NUMB: variants seen among roughly 807,000 people sequenced by gnomAD.
The protein encoded by NUMB is protein numb homolog.
A neutral mutation model predicts 59.7 loss-of-function variants in NUMB; 29 were observed. The observed-to-expected ratio is 0.49, with a 90% confidence interval of 0.36 to 0.66. NUMB has a LOEUF of 0.66. NUMB is among the 30% of genes least tolerant of loss of function. The pLI is 0.00. For synonymous variants in NUMB, 288 were observed against 288.2 expected, an observed-to-expected ratio of 1.00 and a Z score of 0.01; for missense variants, 723 against 822.0, an observed-to-expected ratio of 0.88 and a Z score of 1.47.
intron 2 of NUMB, among the ~76,000 whole-genome samples, chr14:73,380,589 T>A (rs1309912518): frequency 2.0e-5 from 3 of 152,162 alleles, no homozygotes; most frequent in Non-Finnish European, 4.4e-5. Context: ...TTTCTTATAC[T>A]ATTTGTTATA....
intron 9 of NUMB, 32 bp from the exon 10 acceptor site, chr14:73,284,406 C>A: frequency 6.4e-7 from 1 of 1,564,346 alleles, no homozygotes. Context: ...AAGACCTTAG[C>A]AATGTCTTCA....
At chr14:73,391,225 T>C (rs1895837446) in intron 2 of NUMB, among the ~76,000 whole-genome samples, 2 of 151,854 alleles carry the variant, frequency 1.3e-5, no homozygotes, top group South Asian at 4.1e-4. Flanking sequence ...CATAAACATA[T>C]TTGGTCTCAC....
At chr14:73,391,617 G>T (rs1052227127) in intron 2 of NUMB, among the ~76,000 whole-genome samples, 1 of 152,106 alleles carries the variant, frequency 6.6e-6, no homozygotes, top group African/African-American at 2.4e-5. Flanking sequence ...CACTTAGATG[G>T]CTTAATGTAC....
At chr14:73,442,292 G>A (rs1278267270) in intron 1 of NUMB, among the ~76,000 whole-genome samples, 1 of 151,720 alleles carries the variant, frequency 6.6e-6, no homozygotes, top group Non-Finnish European at 1.5e-5. Context: ...ACCATCTCTT[G>A]ATCCTGGGAG....
intron 2 of NUMB, among the ~76,000 whole-genome samples, chr14:73,390,638 C>CTTTTTTTTTTTTTTTTTTTTTTTTTTTTT: frequency 2.5e-5 from 1 of 39,384 alleles, no homozygotes; most frequent in Non-Finnish European, 4.7e-5. Flanking sequence ...AAAACAAAGT[C>CTTTTTTTTTTTTTTTTTTTTTTTTTTTTT]TTTTTTTTTT....
At chr14:73,430,265 G>A (rs1283805544) in intron 1 of NUMB, among the ~76,000 whole-genome samples, 1 of 151,960 alleles carries the variant, frequency 6.6e-6, no homozygotes, top group Non-Finnish European at 1.5e-5. Flanking sequence ...GGACCATTCT[G>A]GTAAGTGTAC....
chr14:73,308,427 GAA>G (rs993133706), intron 6 of NUMB, among the ~76,000 whole-genome samples: 3 of 152,136 alleles, frequency 2.0e-5, no homozygotes, highest in African/African-American at 7.2e-5. Flanking sequence ...ATATCGAAGA[GAA>G]AAAGTTTAAT....
Position 73,276,892 on chromosome 14 carries a change from C to G in NUMB, c.1642G>C (p.Ala548Pro). ...AGGCTGGGTGACTGATGGGGATGGG[C>G]AGCCTGAGGGTGGCCTGCAGTGCCA... The part of the protein sequence containing the change: ...VFGTAGHPQA[A>P]HPHQSPSLVR... The change falls in exon 13 of 13, where the codon GCC becomes CCC. Residue 548 changes from alanine (A) to proline (P), a missense_variant. Ala to Pro is a conservative substitution (Grantham distance 27, BLOSUM62 -1). Transcript: ENST00000555238. 6.2e-7 allele frequency: 1 copy of G among 1,613,954 alleles called. No individual in the cohort carries two copies. The highest frequency in any genetic ancestry group is 8.5e-7 in the Non-Finnish European group (1 of 1,179,904).
chr14:73,285,917 C>T (rs1389490216), intron 9 of NUMB, among the ~76,000 whole-genome samples: 1 of 147,780 alleles, frequency 6.8e-6, no homozygotes, highest in Non-Finnish European at 1.5e-5. Context: ...CAGAACTACA[C>T]TCTGTCTCAA....
At chr14:73,387,745 AC>A (rs1480645598) in intron 2 of NUMB, among the ~76,000 whole-genome samples, 4,256 of 149,896 alleles carry the variant, frequency 0.028, 212 homozygotes, top group African/African-American at 0.1. Context: ...AAAAAAAAAA[AC>A]AAAAACAAAC....
At chr14:73,288,599 C>T (rs1889175326) in intron 8 of NUMB, among the ~76,000 whole-genome samples, 1 of 148,458 alleles carries the variant, frequency 6.7e-6, no homozygotes, top group Non-Finnish European at 1.5e-5. Context: ...GTGGCTCATG[C>T]CTATAATCCC....
chr14:73,362,266 A>T (rs1333302215), intron 3 of NUMB, among the ~76,000 whole-genome samples: 1 of 152,032 alleles, frequency 6.6e-6, no homozygotes, highest in Non-Finnish European at 1.5e-5. Context: ...CAAAAAAAAA[A>T]TGCTACCAAA....
intron 4 of NUMB, among the ~76,000 whole-genome samples, chr14:73,331,559 T>A (rs992187531): frequency 4.0e-5 from 6 of 151,152 alleles, no homozygotes; most frequent in Non-Finnish European, 7.4e-5. Context: ...AAAAAAAAAA[T>A]TTTTTTTCTT....
At chr14:73,342,516 T>C (rs12586996) in intron 4 of NUMB, among the ~76,000 whole-genome samples, 35,343 of 152,170 alleles carry the variant, frequency 0.23, 5,081 homozygotes, top group East Asian at 0.68. Context: ...TTTTTAATAC[T>C]AGAACAGGTT....
At chr14:73,355,876 G>T in intron 3 of NUMB, 110 bp from the exon 4 acceptor site, 1 of 778,842 alleles carries the variant, frequency 1.3e-6, no homozygotes, top group Non-Finnish European at 2.0e-6. Context: ...AAAGGTTTTG[G>T]GTTTTATTTA....
At chr14:73,436,524 T>C (rs2140178177) in intron 1 of NUMB, among the ~76,000 whole-genome samples, 1 of 152,230 alleles carries the variant, frequency 6.6e-6, no homozygotes. Context: ...TTCACCATGT[T>C]GGCCAGGCTC....
intron 2 of NUMB, among the ~76,000 whole-genome samples, chr14:73,391,837 A>G (rs1397240835): frequency 6.6e-6 from 1 of 152,220 alleles, no homozygotes; most frequent in African/African-American, 2.4e-5. Flanking sequence ...TGAAAAGACT[A>G]CTATTGTCCA....
chr14:73,346,163 A>T (rs1178574566), intron 4 of NUMB, among the ~76,000 whole-genome samples: 1 of 152,084 alleles, frequency 6.6e-6, no homozygotes, highest in Non-Finnish European at 1.5e-5. Flanking sequence ...TTGTTACATT[A>T]AAATCCCTTC....
At chr14:73,438,841 T>C (rs528849889) in intron 1 of NUMB, among the ~76,000 whole-genome samples, 8 of 152,230 alleles carry the variant, frequency 5.3e-5, no homozygotes, top group African/African-American at 1.9e-4. Context: ...ATTTCACAAG[T>C]GTCTGGGTTT....
Sources: allele counts gnomAD v4.1 joint callset (sites outside exome capture counted in the v4.1 genomes callset), GRCh38; gene constraint gnomAD v4.1.1; transcripts MANE v1.5; gene names NCBI Gene and HGNC (gene_info 2026-07-23, HGNC 2026-07-21).